The following TMPRSS7 variants were observed in gnomAD, a reference collection of about 807,000 sequenced individuals.
TMPRSS7 encodes transmembrane protease serine 7.
TMPRSS7 carries 81 observed loss-of-function variants against 95.6 expected under a neutral mutation model. The ratio of observed to expected loss-of-function variants is 0.85; its 90% CI spans 0.71 to 1.02. The LOEUF is 1.02. TMPRSS7 is among the 50% of genes least tolerant of loss of function. The probability of loss-of-function intolerance (pLI) is 0.00; values close to 1 mark genes in which losing one functional copy is unlikely to be tolerated. For missense variants in TMPRSS7, 945 were observed against 955.2 expected (o/e 0.99, Z 0.14); for synonymous variants, 364 against 337.8 (o/e 1.08, Z -0.85).
Position 112,038,398 on chromosome 3 carries a change from G to T in TMPRSS7, c.298+77G>T, listed in dbSNP as rs1007894248. On this transcript the variant is annotated intron_variant, in intron 2 of 17. Transcript: ENST00000452346. ...AGCATTAGCAATGCAGCCCTAATCT[G>T]CCATAGGTATTTCTGATGGGATTTT... 42 of 634,324 alleles carry T rather than the reference G, an allele frequency of 6.6e-5. 1 individual carries two copies. The highest frequency in any genetic ancestry group is 5.5e-4 in the South Asian group (30 of 54,778). 39.3% of individuals were successfully genotyped at this position (634,324 alleles called of 1,614,324 possible).
intron 3 of TMPRSS7, chr3:112,042,964 A>G: frequency 2.2e-6 from 1 of 455,062 alleles, no homozygotes; most frequent in South Asian, 1.6e-5. Flanking sequence ...TGACACAATG[A>G]CTGGCTGTGT....
intron 13 of TMPRSS7, among the ~76,000 whole-genome samples, chr3:112,070,270 A>G (rs2073626798): frequency 6.6e-6 from 1 of 152,164 alleles, no homozygotes. Flanking sequence ...AATTTTAGAT[A>G]AGTGTGATGT....
At chr3:112,072,486 G>C (rs60529752) in intron 13 of TMPRSS7, among the ~76,000 whole-genome samples, 4,558 of 152,330 alleles carry the variant, frequency 0.03, 190 homozygotes, top group African/African-American at 0.088. Flanking sequence ...GCCAGGAGAA[G>C]CACTGCTCTC....
chr3:112,036,462 G>T (rs1190588354), intron 1 of TMPRSS7, among the ~76,000 whole-genome samples: 2 of 152,042 alleles, frequency 1.3e-5, no homozygotes, highest in Non-Finnish European at 2.9e-5. Flanking sequence ...CAGCTACTTG[G>T]GATGCTGAGG....
chr3:112,037,223 G>A (rs926054006), intron 1 of TMPRSS7, among the ~76,000 whole-genome samples: 4 of 152,130 alleles, frequency 2.6e-5, no homozygotes, highest in South Asian at 2.1e-4. Context: ...GAGAAATATC[G>A]CTAAATTCTT....
chr3:112,073,293 C>T (rs1039495599), intron 13 of TMPRSS7, among the ~76,000 whole-genome samples: 11 of 151,834 alleles, frequency 7.2e-5, no homozygotes, highest in African/African-American at 2.7e-4. Flanking sequence ...GGGGTTTCAC[C>T]ATGTTGGCCA....
Position 112,049,378 on chromosome 3 carries a change from G to C in TMPRSS7, c.960-466G>C, listed in dbSNP as rs142772736. ...CTTTGTGCATTTTGTTCAGTTCTTT[G>C]TTTAAAATGCCAAGGACCTGGACAA... On this transcript the variant is annotated intron_variant, in intron 7 of 17. Coordinates refer to ENST00000452346, the Ensembl canonical transcript of TMPRSS7. Among the ~76,000 whole-genome samples the C allele has an allele frequency of 5.7e-3, 867 of 152,182 alleles. 7 individuals are homozygous for C. The highest frequency in any genetic ancestry group is 0.02 in the African/African-American group (831 of 41,504).
intron 1 of TMPRSS7, among the ~76,000 whole-genome samples, chr3:112,035,474 G>A (rs1342510867): frequency 6.6e-6 from 1 of 152,200 alleles, no homozygotes; most frequent in Non-Finnish European, 1.5e-5. Flanking sequence ...ATAATTCAGA[G>A]TGTACGTGGC....
At chr3:112,047,316 C>A in intron 6 of TMPRSS7, 1 of 604,708 alleles carries the variant, frequency 1.7e-6, no homozygotes, top group Non-Finnish European at 3.1e-6. Context: ...GTATTTGTAA[C>A]AAGGACCACC....
At chr3:112,077,225 G>A (rs1187580291) in intron 16 of TMPRSS7, 81 bp downstream of exon 16, 5 of 1,494,934 alleles carry the variant, frequency 3.3e-6, no homozygotes, top group Non-Finnish European at 4.5e-6. Context: ...GGTTCACAGA[G>A]AGGGTTTGTG....
chr3:112,065,275 C>T (rs1312582956), intron 12 of TMPRSS7, among the ~76,000 whole-genome samples: 2 of 152,290 alleles, frequency 1.3e-5, no homozygotes, highest in East Asian at 3.9e-4. Context: ...CTCCTGACCT[C>T]AAGCCGTCCT....
At chr3:112,058,599 C>T (rs1171364427) in intron 10 of TMPRSS7, among the ~76,000 whole-genome samples, 1 of 152,114 alleles carries the variant, frequency 6.6e-6, no homozygotes, top group Non-Finnish European at 1.5e-5. Context: ...TACTATAGAA[C>T]GTGCCCCCAA....
intron 2 of TMPRSS7, among the ~76,000 whole-genome samples, chr3:112,041,671 G>A (rs1256714071): frequency 1.3e-5 from 2 of 152,202 alleles, no homozygotes; most frequent in South Asian, 2.1e-4. Context: ...AGGGCCATGA[G>A]ATCCTTTTAA....
chr3:112,050,581 T>C (rs1030067009), intron 8 of TMPRSS7, 90 bp from the exon 9 acceptor site: 10 of 492,272 alleles, frequency 2.0e-5, no homozygotes, highest in African/African-American at 1.0e-4. Flanking sequence ...ATCAAGGAAG[T>C]GTGCCTTAGT....
Position 112,065,186 on chromosome 3 carries a change from G to T in TMPRSS7, c.1556-1206G>T, listed in dbSNP as rs150831419. 1.6e-3 allele frequency among the ~76,000 whole-genome samples: 237 copies of T among 152,116 alleles called. 1 individual carries two copies. The highest frequency in any genetic ancestry group is 5.5e-3 in the African/African-American group (228 of 41,484). ...CTCCTGAGTAGCTGGGAATACAGGC[G>T]CACACCACCAATGCCACTAACTCTT... On this transcript the variant is annotated intron_variant, in intron 12 of 17. Transcript: ENST00000452346.
rs2073250241 is a variant in TMPRSS7, at chr3:112,044,341, T to G, written c.497+19T>G. 3.2e-6 allele frequency: 5 copies of G among 1,545,586 alleles called. No individual in the cohort carries two copies. Among genetic ancestry groups the G allele is most frequent in the East Asian group, 2.4e-5 (1 of 40,890 alleles). Reference sequence around the variant, plus strand: ...ATGTCAGGTAATGCATGTCCCTTGTTTTGAGATTTCTGTGTTCATTGTTCT... The same window carrying G: ...ATGTCAGGTAATGCATGTCCCTTGTGTTGAGATTTCTGTGTTCATTGTTCT... On this transcript the variant is annotated intron_variant, in intron 4 of 17. Coordinates refer to ENST00000452346, the Ensembl canonical transcript of TMPRSS7.
intron 9 of TMPRSS7, among the ~76,000 whole-genome samples, chr3:112,053,473 T>A (rs968119885): frequency 6.6e-6 from 1 of 152,198 alleles, no homozygotes; most frequent in African/African-American, 2.4e-5. Flanking sequence ...CCAGGCTCTA[T>A]ATGGGGATGC....
At position 112,078,892 on chromosome 3, in the gene TMPRSS7, C is replaced by A; in HGVS notation, c.2361+14C>A. The A allele has an allele frequency of 6.2e-7, 1 of 1,611,938 alleles. No homozygotes were observed. The highest frequency in any genetic ancestry group is 1.1e-5 in the South Asian group (1 of 91,026). Reference sequence around the variant, plus strand: ...GATGCCTGCAAAGTAAGTCATTGTACCTTTCCCTTGCCTAACATGTTGTGC... The same window carrying A: ...GATGCCTGCAAAGTAAGTCATTGTAACTTTCCCTTGCCTAACATGTTGTGC... On this transcript the variant is annotated intron_variant, in intron 17 of 17. Coordinates refer to ENST00000452346, the Ensembl canonical transcript of TMPRSS7.
intron 10 of TMPRSS7, 110 bp downstream of exon 10, chr3:112,057,241 CTG>C (rs2073444103): frequency 8.0e-6 from 6 of 753,380 alleles, no homozygotes; most frequent in Middle Eastern, 4.9e-4. Flanking sequence ...GTTAGGGAAA[CTG>C]AGGGATATAG....
Sources: allele counts gnomAD v4.1 joint callset (sites outside exome capture counted in the v4.1 genomes callset), GRCh38; gene constraint gnomAD v4.1.1; transcripts MANE v1.5; gene names NCBI Gene and HGNC (gene_info 2026-07-23, HGNC 2026-07-21).